The following ASTN2 variants were observed in gnomAD, a reference collection of about 807,000 sequenced individuals.
The protein encoded by ASTN2 is astrotactin-2.
In ASTN2, 54 loss-of-function variants were observed where a neutral mutation model predicts 139.8. The ratio of observed to expected loss-of-function variants is 0.39; its 90% CI spans 0.31 to 0.48. The LOEUF (loss-of-function observed/expected upper bound fraction) is 0.48. Ranked by LOEUF, ASTN2 falls within the 20% of genes least tolerant of loss-of-function variation. The pLI is 0.95. For synonymous variants in ASTN2, 756 were observed against 719.5 expected (o/e 1.05, Z -0.81); for missense variants, 1,565 against 1,725.1 (o/e 0.91, Z 1.64).
chr9:116,978,522 C>CACACACACACACAGAG (rs138804229), intron 7 of ASTN2, among the ~76,000 whole-genome samples: 1 of 150,278 alleles, frequency 6.7e-6, no homozygotes, highest in South Asian at 2.1e-4. Flanking sequence ...CACACACACA[C>CACACACACACACAGAG]AGAGAGATAA....
chr9:116,822,042 C>T (rs1340960896), intron 11 of ASTN2, among the ~76,000 whole-genome samples: 1 of 152,062 alleles, frequency 6.6e-6, no homozygotes, highest in South Asian at 2.1e-4. Context: ...GCCCAGCCTT[C>T]CTCATCCATC....
At chr9:116,468,706 G>GCAGC in intron 20 of ASTN2, among the ~76,000 whole-genome samples, 1 of 152,266 alleles carries the variant, frequency 6.6e-6, no homozygotes, top group South Asian at 2.1e-4. Context: ...TGTCAACTGA[G>GCAGC]CAGCCGGCTC....
chr9:116,821,587 A>ATTTT (rs1588321606), intron 11 of ASTN2, among the ~76,000 whole-genome samples: 1 of 152,154 alleles, frequency 6.6e-6, no homozygotes, highest in African/African-American at 2.4e-5. Context: ...ACAGAGTGCT[A>ATTTT]TTTCTAAATA....
At chr9:117,353,412 T>C (rs1199615704) in intron 1 of ASTN2, among the ~76,000 whole-genome samples, 22 of 152,210 alleles carry the variant, frequency 1.4e-4, no homozygotes, top group Admixed American at 1.4e-3. Context: ...ACTTGAAATC[T>C]GGCTACTGTG....
At chr9:116,812,850 G>A (rs555187847) in intron 12 of ASTN2, among the ~76,000 whole-genome samples, 5 of 152,152 alleles carry the variant, frequency 3.3e-5, no homozygotes, top group African/African-American at 1.2e-4. Flanking sequence ...TCTTTTCCCT[G>A]TGGGTGGGAA....
chr9:116,735,954 C>T (rs1375427979), intron 13 of ASTN2, among the ~76,000 whole-genome samples: 2 of 152,200 alleles, frequency 1.3e-5, no homozygotes, highest in African/African-American at 4.8e-5. Context: ...TATTGAGCAC[C>T]TACTATGCAC....
chr9:116,869,187 AAAAG>A (rs1173317946), intron 10 of ASTN2, among the ~76,000 whole-genome samples: 1 of 152,188 alleles, frequency 6.6e-6, no homozygotes, highest in Non-Finnish European at 1.5e-5. Context: ...TCCTGTCTCA[AAAAG>A]AAAGAAAGAA....
chr9:116,535,700 T>C (rs1292471970), intron 19 of ASTN2, among the ~76,000 whole-genome samples: 1 of 152,206 alleles, frequency 6.6e-6, no homozygotes, highest in African/African-American at 2.4e-5. Flanking sequence ...TCTCTTCGGC[T>C]TGTAGAGTTT....
At chr9:117,144,660 G>GTTTTTTTTTTTTT (rs71379267) in intron 3 of ASTN2, among the ~76,000 whole-genome samples, 6 of 78,348 alleles carry the variant, frequency 7.7e-5, no homozygotes, top group African/African-American at 3.0e-4. Flanking sequence ...GTGAACACTA[G>GTTTTTTTTTTTTT]TTTTTTTTTT....
chr9:116,432,719 C>T (rs955049713), intron 22 of ASTN2, among the ~76,000 whole-genome samples: 58 of 152,082 alleles, frequency 3.8e-4, no homozygotes, highest in African/African-American at 1.4e-3. Flanking sequence ...CACTTGTGGT[C>T]GGGAGTTCCA....
intron 16 of ASTN2, among the ~76,000 whole-genome samples, chr9:116,654,115 A>G (rs1423349988): frequency 6.6e-6 from 1 of 152,222 alleles, no homozygotes; most frequent in Non-Finnish European, 1.5e-5. Flanking sequence ...AGAGAGTCAG[A>G]GCAATGAGGA....
At chr9:116,513,270 C>T (rs149137218) in intron 19 of ASTN2, among the ~76,000 whole-genome samples, 1 of 152,018 alleles carries the variant, frequency 6.6e-6, no homozygotes, top group South Asian at 2.1e-4. Context: ...AGCTTAGTTT[C>T]GCTGGATATG....
At chr9:117,199,188 C>T (rs985037631) in intron 3 of ASTN2, among the ~76,000 whole-genome samples, 5 of 152,086 alleles carry the variant, frequency 3.3e-5, no homozygotes, top group Admixed American at 2.0e-4. Context: ...TTGGCATCTT[C>T]GTCATGAAGC....
chr9:116,942,745 A>G (rs1164536656), intron 10 of ASTN2, among the ~76,000 whole-genome samples: 1 of 152,204 alleles, frequency 6.6e-6, no homozygotes, highest in Non-Finnish European at 1.5e-5. Flanking sequence ...TTTCTAGATG[A>G]CTTTCAGATG....
intron 13 of ASTN2, among the ~76,000 whole-genome samples, chr9:116,792,485 C>T (rs1343040922): frequency 3.9e-5 from 6 of 152,288 alleles, no homozygotes; most frequent in East Asian, 3.9e-4. Context: ...GGCACCCAAC[C>T]GTGGCTTCAG....
intron 22 of ASTN2, among the ~76,000 whole-genome samples, chr9:116,430,748 T>G (rs1296703634): frequency 1.3e-5 from 2 of 152,150 alleles, no homozygotes; most frequent in Non-Finnish European, 2.9e-5. Context: ...ATGTTTGCAT[T>G]TAGAAAACAA....
intron 19 of ASTN2, among the ~76,000 whole-genome samples, chr9:116,606,228 G>A (rs1855194128): frequency 6.6e-6 from 1 of 152,138 alleles, no homozygotes; most frequent in Admixed American, 6.5e-5. Flanking sequence ...GACTACTTAT[G>A]CTTGGCTTTC....
chr9:116,805,964 G>T, intron 12 of ASTN2, 144 bp from the exon 13 acceptor site: 1 of 764,122 alleles, frequency 1.3e-6, no homozygotes, highest in East Asian at 2.6e-5. Flanking sequence ...TCTATCTAGG[G>T]CACAGATGTC....
intron 1 of ASTN2, among the ~76,000 whole-genome samples, chr9:117,363,247 T>C (rs901349907): frequency 7.9e-5 from 12 of 152,208 alleles, no homozygotes; most frequent in African/African-American, 2.9e-4. Flanking sequence ...CATCTGTTAA[T>C]CACCTACTTA....
Sources: allele counts gnomAD v4.1 joint callset (sites outside exome capture counted in the v4.1 genomes callset), GRCh38; gene constraint gnomAD v4.1.1; transcripts MANE v1.5; gene names NCBI Gene and HGNC (gene_info 2026-07-23, HGNC 2026-07-21).